Variants in RBMS3 observed in about 807,000 individuals in gnomAD.
The protein encoded by RBMS3 is RNA binding motif single stranded interacting protein 3.
Under a neutral mutation model 66.8 loss-of-function variants are expected in RBMS3, and 27 were observed. The ratio of observed to expected loss-of-function variants is 0.40; its 90% confidence interval spans 0.30 to 0.56. The LOEUF is 0.56. Ranked by LOEUF, RBMS3 falls within the 20% of genes least tolerant of loss-of-function variation. RBMS3 has a pLI of 0.40. For synonymous variants in RBMS3, 188 were observed against 183.0 expected (o/e 1.03, Z -0.22); for missense variants, 513 against 549.5 (o/e 0.93, Z 0.66).
chr3:29,869,102 A>C, intron 7 of RBMS3, 138 bp downstream of exon 7: 1 of 654,690 alleles, frequency 1.5e-6, no homozygotes, highest in Non-Finnish European at 2.6e-6. Context: ...AAATGAGCAG[A>C]CCCATGTTAA....
At chr3:29,429,704 A>C (rs1326882974) in intron 1 of RBMS3, among the ~76,000 whole-genome samples, 1 of 152,208 alleles carries the variant, frequency 6.6e-6, no homozygotes, top group Non-Finnish European at 1.5e-5. Context: ...AGGATTTATA[A>C]AGTGTGACTT....
At chr3:29,287,285 T>A (rs529580303) in intron 1 of RBMS3, among the ~76,000 whole-genome samples, 1 of 152,250 alleles carries the variant, frequency 6.6e-6, no homozygotes, top group Admixed American at 6.5e-5. Flanking sequence ...CTGAAACCAA[T>A]TCAAGTGGAA....
intron 4 of RBMS3, among the ~76,000 whole-genome samples, chr3:29,735,540 C>T (rs1054629232): frequency 2.0e-5 from 3 of 152,126 alleles, no homozygotes; most frequent in African/African-American, 7.2e-5. Context: ...TATACTTTTA[C>T]AATCTAATAT....
intron 3 of RBMS3, among the ~76,000 whole-genome samples, chr3:29,545,717 G>GT (rs2045925668): frequency 6.6e-6 from 1 of 151,850 alleles, no homozygotes. Flanking sequence ...GTTTTGTTTT[G>GT]TTTTTTGCCA....
At chr3:29,615,495 CAT>C (rs1196405327) in intron 4 of RBMS3, among the ~76,000 whole-genome samples, 4 of 151,846 alleles carry the variant, frequency 2.6e-5, no homozygotes, top group Non-Finnish European at 5.9e-5. Context: ...CACACACACA[CAT>C]AAAATGATTG....
intron 4 of RBMS3, among the ~76,000 whole-genome samples, chr3:29,685,997 G>A (rs1450475488): frequency 2.0e-5 from 3 of 152,150 alleles, no homozygotes; most frequent in East Asian, 1.9e-4. Flanking sequence ...TAACAACATC[G>A]CTTTCCCTCT....
rs145997261 is a variant in RBMS3 at position 29,957,904 on chromosome 3, G to T, written c.1098+13650G>T. On this transcript the variant is annotated intron_variant, in intron 12 of 14. Transcript: ENST00000383767. ...TAGATTCTTCAATAGCCTATGTTATGCCTTTTACAGATTCTCTGGACACAC... is the reference window on the plus strand; with the variant it reads ...TAGATTCTTCAATAGCCTATGTTATTCCTTTTACAGATTCTCTGGACACAC... Among the ~76,000 whole-genome samples, 942 of 152,170 alleles carry T rather than the reference G, an allele frequency of 6.2e-3. 17 individuals carry two copies. The highest frequency in any genetic ancestry group is 0.022 in the African/African-American group (911 of 41,532).
intron 1 of RBMS3, among the ~76,000 whole-genome samples, chr3:29,330,355 C>T (rs1335424034): frequency 6.6e-6 from 1 of 152,138 alleles, no homozygotes; most frequent in Admixed American, 6.6e-5. Context: ...ATAGCTTCTG[C>T]ATTCAGCCAT....
At chr3:29,926,548 A>G (rs1365869158) in intron 10 of RBMS3, among the ~76,000 whole-genome samples, 1 of 152,194 alleles carries the variant, frequency 6.6e-6, no homozygotes, top group Non-Finnish European at 1.5e-5. Context: ...TTCCAGGCCC[A>G]TTTGCCAATA....
intron 6 of RBMS3, among the ~76,000 whole-genome samples, chr3:29,809,722 G>A (rs894056037): frequency 4.0e-5 from 6 of 151,850 alleles, no homozygotes; most frequent in Non-Finnish European, 2.9e-5. Context: ...CTGTTTCTGA[G>A]CAATCCTCTC....
At chr3:29,840,622 G>A (rs1215022418) in intron 6 of RBMS3, among the ~76,000 whole-genome samples, 1 of 151,974 alleles carries the variant, frequency 6.6e-6, no homozygotes, top group Non-Finnish European at 1.5e-5. Context: ...TGAACCACTC[G>A]AAATGGTCTC....
At chr3:29,904,231 T>A (rs1347878667) in intron 10 of RBMS3, among the ~76,000 whole-genome samples, 2 of 151,908 alleles carry the variant, frequency 1.3e-5, no homozygotes, top group African/African-American at 4.8e-5. Context: ...TCAAAAGAAG[T>A]GTATAGAGTA....
chr3:29,403,502 GA>G, intron 1 of RBMS3, among the ~76,000 whole-genome samples: 1 of 152,088 alleles, frequency 6.6e-6, no homozygotes, highest in East Asian at 1.9e-4. Context: ...ATGAGCTGGG[GA>G]AAAGCCAATC....
chr3:29,550,822 C>A (rs2046157882), intron 3 of RBMS3, among the ~76,000 whole-genome samples: 1 of 152,166 alleles, frequency 6.6e-6, no homozygotes, highest in African/African-American at 2.4e-5. Flanking sequence ...AGAAATGGAG[C>A]ATCACTGACA....
intron 4 of RBMS3, among the ~76,000 whole-genome samples, chr3:29,693,597 T>C (rs1283167734): frequency 6.6e-6 from 1 of 152,226 alleles, no homozygotes; most frequent in Admixed American, 6.5e-5. Context: ...TAAATCATGT[T>C]ACTTCAAAAG....
At chr3:29,703,398 G>A (rs2052721904) in intron 4 of RBMS3, among the ~76,000 whole-genome samples, 2 of 152,164 alleles carry the variant, frequency 1.3e-5, no homozygotes, top group African/African-American at 4.8e-5. Flanking sequence ...TTGTCTATAG[G>A]AAACAATTTG....
chr3:29,946,343 C>T (rs577681128), intron 12 of RBMS3, among the ~76,000 whole-genome samples: 1 of 151,698 alleles, frequency 6.6e-6, no homozygotes, highest in South Asian at 2.1e-4. Flanking sequence ...TAACTCTTTG[C>T]CAGTGTAGAA....
At chr3:29,856,904 T>C (rs1229933512) in intron 6 of RBMS3, among the ~76,000 whole-genome samples, 1 of 152,172 alleles carries the variant, frequency 6.6e-6, no homozygotes, top group Non-Finnish European at 1.5e-5. Context: ...AGGACCTGGA[T>C]TAAATTTATA....
Position 29,894,827 on chromosome 3 carries a change from A to G in RBMS3, c.792-2552A>G, listed in dbSNP as rs1477953455. ...AGCTACAATCCTCTCTGAAAAAGGG[A>G]CAGTTGAGTGAGACCAGAAATGAAG... On this transcript the variant is annotated intron_variant, in intron 8 of 14. Transcript: ENST00000383767. 2.6e-5 allele frequency among the ~76,000 whole-genome samples: 4 copies of G among 151,596 alleles called. No individual in the cohort carries two copies. In the East Asian group the frequency reaches 5.8e-4, roughly 22 times the overall value.
Sources: gnomAD v4.1 joint callset for allele counts (sites outside exome capture counted in the v4.1 genomes callset) on GRCh38, gnomAD v4.1.1 for gene constraint, MANE v1.5 for transcripts, NCBI Gene and HGNC (gene_info 2026-07-23, HGNC 2026-07-21) for gene names.